The following GJB1 variants were observed in gnomAD, a reference collection of about 807,000 sequenced individuals.
The protein encoded by GJB1 is gap junction protein beta 1.
In GJB1, 1 loss-of-function variant was observed where a neutral mutation model predicts 12.0. The observed-to-expected ratio is 0.08, with a 90% CI of 0.03 to 0.40. GJB1 has a LOEUF of 0.40. Ranked by LOEUF, GJB1 falls within the 10% of genes least tolerant of loss-of-function variation. The pLI, the probability that GJB1 is intolerant of heterozygous loss-of-function variation, is 0.98. For synonymous variants in GJB1, 114 were observed against 102.8 expected, an observed-to-expected ratio of 1.11 and a Z score of -0.66; for missense variants, 140 against 250.3, an observed-to-expected ratio of 0.56 and a Z score of 2.97.
upstream of GJB1, among the ~76,000 whole-genome samples, chrX:71,221,323 T>TTTTA (rs57849718): frequency 0.066 from 6,596 of 100,079 alleles, 234 homozygotes; most frequent in African/African-American, 0.099. Context: ...CACTAAGGCT[T>TTTTA]TTTATTTATT....
At chrX:71,218,089 C>T (rs1248168708) in intron 1 of GJB1, among the ~76,000 whole-genome samples, 1 of 110,948 alleles carries the variant, frequency 9.0e-6, no homozygotes, top group South Asian at 3.8e-4. Context: ...GTCAGGACTT[C>T]GAGACCAGCC....
At chrX:71,215,727 G>C (rs891382894) in intron 1 of GJB1, among the ~76,000 whole-genome samples, 2 of 111,649 alleles carry the variant, frequency 1.8e-5, no homozygotes, top group Non-Finnish European at 3.8e-5. Context: ...CACCCAACAC[G>C]GGGCTGCGAG....
chrX:71,215,663 T>C (rs1231934976), intron 1 of GJB1, among the ~76,000 whole-genome samples: 1 of 111,525 alleles, frequency 9.0e-6, no homozygotes, highest in African/African-American at 3.3e-5. Context: ...GTGGGAATGT[T>C]GGGCACTGCC....
chrX:71,215,830 A>G (rs149719216), intron 1 of GJB1, among the ~76,000 whole-genome samples: 1,453 of 110,325 alleles, frequency 0.013, 36 homozygotes, highest in African/African-American at 0.045. Flanking sequence ...TGAAGGAGGC[A>G]GACTGACTCA....
rs2147946331 is a variant in GJB1, at chrX:71,224,200, C to G, written c.493C>G (p.Leu165Val). The change falls in exon 2 of 2, where the codon CTG (leucine) becomes GTG (valine). Residue 165 changes from leucine to valine, a missense_variant. Physicochemically the swap from Leu to Val is conservative, Grantham distance 32 (BLOSUM62 1). Coordinates refer to ENST00000361726, the MANE Select transcript of GJB1 (RefSeq NM_000166.6). ...LLYPGYAMVRLVKCDVYPCPN... is the reference protein window; with the variant it reads ...LLYPGYAMVRVVKCDVYPCPN... ...CTACCCTGGCTATGCCATGGTGCGGCTGGTCAAGTGCGACGTCTACCCCTG... is the reference window on the plus strand; with the variant it reads ...CTACCCTGGCTATGCCATGGTGCGGGTGGTCAAGTGCGACGTCTACCCCTG... The G allele has an allele frequency of 5.0e-6, 6 of 1,206,868 alleles. No homozygotes were observed. The highest frequency in any genetic ancestry group is 6.7e-6 in the Non-Finnish European group (6 of 893,965).
In GJB1 at chrX:71,225,402, TTTG is replaced by T. The variant is rs2092548560; in HGVS notation, c.*851_*853del. The stretch of plus-strand genomic sequence containing the variant: ...CCCGGAGCCATTCCTCCCTGTTGCT[TTTG>T]TTGTTGTGGTTCTTGTCTTTTTCAT... On this transcript the variant is annotated 3_prime_UTR_variant, in exon 2 of 2. Transcript: ENST00000361726. 1 of 123,359 alleles carries T rather than the reference TTTG, an allele frequency of 8.1e-6. No homozygotes were observed. Among genetic ancestry groups the T allele is most frequent in the Admixed American group, 9.5e-5 (1 of 10,491 alleles). 10.2% of individuals were successfully genotyped at this position (123,359 alleles called of 1,213,427 possible). A position where few individuals can be genotyped will look rare whatever the true frequency, so the allele number is the denominator to read the frequency against.
In GJB1 at chrX:71,223,330, C is replaced by T. The variant is rs1602348393; in HGVS notation, c.-22C>T. ...TGGGTGGCCTCAGGGATAGGCGCTC[C>T]CCAAGGTAAGAGGGCTTTGTTGAGT... On this transcript the variant is annotated 5_prime_UTR_variant, in exon 1 of 2. Coordinates refer to ENST00000361726, the MANE Select transcript of GJB1 (RefSeq NM_000166.6). 6.8e-6 allele frequency: 2 copies of T among 295,277 alleles called. No homozygotes were observed. The highest frequency in any genetic ancestry group is 1.4e-4 in the East Asian group (2 of 13,888). 24.3% of individuals were successfully genotyped at this position (295,277 alleles called of 1,213,427 possible).
In GJB1 at chrX:71,224,489, A is replaced by G; in HGVS notation, c.782A>G (p.Asp261Gly). The G allele has an allele frequency of 8.3e-7, 1 of 1,202,525 alleles. No homozygotes were observed. The highest frequency in any genetic ancestry group is 1.7e-5 in the African/African-American group (1 of 57,576). Residue 261 changes from aspartate (D) to glycine (G), a missense_variant, in exon 2 of 2, where the codon GAC (aspartate) becomes GGC (glycine). Physicochemically the swap from Asp to Gly is moderately conservative, Grantham distance 94 (BLOSUM62 -1). Transcript: ENST00000361726. ...LLSEQDGSLKDILRRSPGTGA... is the reference protein window; with the variant it reads ...LLSEQDGSLKGILRRSPGTGA... ...AGTGAGCAGGATGGCTCCCTGAAAG[A>G]CATACTGCGCCGCAGCCCTGGCACC...
chrX:71,220,547 C>T, upstream of GJB1, among the ~76,000 whole-genome samples: 1 of 108,912 alleles, frequency 9.2e-6, no homozygotes, highest in Non-Finnish European at 1.9e-5. Flanking sequence ...CACTCTTTCC[C>T]CCAGGCTGGA....
chrX:71,218,385 CT>C (rs760563063), upstream of GJB1, among the ~76,000 whole-genome samples: 463 of 87,024 alleles, frequency 5.3e-3, 4 homozygotes, highest in Middle Eastern at 0.013. Flanking sequence ...CTCCCTGTTC[CT>C]TTTTTTTTTT....
Position 71,224,885 on chromosome X carries a change from T to C in GJB1, c.*326T>C. The C allele has an allele frequency of 2.8e-6, 1 of 360,587 alleles. No homozygotes were observed. Among genetic ancestry groups the C allele is most frequent in the Non-Finnish European group, 5.1e-6 (1 of 195,995 alleles). 29.7% of individuals were successfully genotyped at this position (360,587 alleles called of 1,213,427 possible). A position where few individuals can be genotyped will look rare whatever the true frequency, so the allele number is the denominator to read the frequency against. On this transcript the variant is annotated 3_prime_UTR_variant, in exon 2 of 2. Coordinates refer to ENST00000361726, the MANE Select transcript of GJB1 (RefSeq NM_000166.6). ...CCGACAGCGTCTCCAATTATGAAACTAATCTTAACCCTGTGCTGTCAGATA... is the reference window on the plus strand; with the variant it reads ...CCGACAGCGTCTCCAATTATGAAACCAATCTTAACCCTGTGCTGTCAGATA...
At chrX:71,218,873 T>G (rs975159647), upstream of GJB1, among the ~76,000 whole-genome samples, 8 of 104,967 alleles carry the variant, frequency 7.6e-5, no homozygotes, top group Non-Finnish European at 1.4e-4. Context: ...GTGACTGAGC[T>G]AGACTCCGTC....
rs71913204 is a variant in GJB1, at chrX:71,215,872, ATT to A, written c.-17+616_-17+617del. 6.7e-3 allele frequency among the ~76,000 whole-genome samples: 650 copies of A among 96,342 alleles called. 8 individuals are homozygous for A. The highest frequency in any genetic ancestry group is 0.023 in the African/African-American group (594 of 26,017). The allele number at this position is 96,342 out of a possible 115,157, so 83.7% of individuals were successfully genotyped here. A position where few individuals can be genotyped will look rare whatever the true frequency, so the allele number is the denominator to read the frequency against. ...ACTTGGAGTAATTGATGGTTCGGAG[ATT>A]TTTTTTTTTTTTTTGAGACGGACTT... On this transcript the variant is annotated intron_variant, in intron 1 of 1. Transcript: ENST00000374029.
Sources: gnomAD v4.1 joint callset for allele counts (sites outside exome capture counted in the v4.1 genomes callset) on GRCh38, gnomAD v4.1.1 for gene constraint, MANE v1.5 for transcripts, NCBI Gene and HGNC (gene_info 2026-07-23, HGNC 2026-07-21) for gene names.